Variants in SHROOM2 observed in about 807,000 individuals in gnomAD.
SHROOM2 encodes protein Shroom2.
In SHROOM2, 33 loss-of-function variants were observed where a neutral mutation model predicts 75.9. The ratio of observed to expected loss-of-function variants is 0.43; its 90% confidence interval spans 0.33 to 0.58. The LOEUF (loss-of-function observed/expected upper bound fraction) is 0.58, where lower values mean the gene tolerates loss of function less well. SHROOM2 is among the 20% of genes least tolerant of loss of function. The probability of loss-of-function intolerance (pLI) is 0.04; values close to 1 mark genes in which losing one functional copy is unlikely to be tolerated. For synonymous variants in SHROOM2, 655 were observed against 663.6 expected (o/e 0.99, Z 0.20); for missense variants, 1,434 against 1,461.2 (o/e 0.98, Z 0.30).
intron 5 of SHROOM2, among the ~76,000 whole-genome samples, chrX:9,902,637 T>A (rs2084371068): frequency 8.9e-6 from 1 of 112,456 alleles, no homozygotes; most frequent in Non-Finnish European, 1.9e-5. Flanking sequence ...AAAATAAATT[T>A]GGTAGCACAG....
chrX:9,821,888 C>T (rs966723230), intron 1 of SHROOM2, among the ~76,000 whole-genome samples: 2 of 111,578 alleles, frequency 1.8e-5, no homozygotes, highest in Admixed American at 9.5e-5. Context: ...TACTAAAAAC[C>T]CTTTGATTCT....
chrX:9,843,976 A>G (rs1321543673), intron 1 of SHROOM2, among the ~76,000 whole-genome samples: 5 of 112,766 alleles, frequency 4.4e-5, no homozygotes, highest in Admixed American at 9.4e-5. Flanking sequence ...GAATTAATGA[A>G]GATTTTTCCA....
At chrX:9,935,480 A>C (rs1246647754) in intron 6 of SHROOM2, among the ~76,000 whole-genome samples, 1 of 111,290 alleles carries the variant, frequency 9.0e-6, no homozygotes, top group African/African-American at 3.3e-5. Flanking sequence ...GTGCCTAGCC[A>C]GGGTTTTCCT....
chrX:9,937,462 G>A lies in SHROOM2; in HGVS notation c.3916G>A (p.Ala1306Thr). 1 of 1,211,461 alleles carries A rather than the reference G, an allele frequency of 8.3e-7. No homozygotes were observed. The highest frequency in any genetic ancestry group is 1.1e-6 in the Non-Finnish European group (1 of 895,394). ...TSPPGLSYMK[A>T]KEKTVEDLKS... The stretch of plus-strand genomic sequence containing the variant: ...CCCTCCAGGGCTCAGCTACATGAAG[G>A]CCAAAGAGAAGACTGTGGAAGACCT... Residue 1306 changes from alanine (A) to threonine (T), a missense_variant, in exon 7 of 10, where the codon GCC becomes ACC. Transcript: ENST00000380913.
chrX:9,882,604 G>C (rs778202831), intron 2 of SHROOM2, among the ~76,000 whole-genome samples: 1 of 111,612 alleles, frequency 9.0e-6, no homozygotes, highest in Admixed American at 9.5e-5. Context: ...GTTCTGTGCC[G>C]CTCGGTTCTG....
chrX:9,862,777 G>A (rs1319457638), intron 1 of SHROOM2, among the ~76,000 whole-genome samples: 2 of 112,795 alleles, frequency 1.8e-5, no homozygotes, highest in Non-Finnish European at 3.8e-5. Context: ...GGATCACCAT[G>A]TGGGCAGTGA....
chrX:9,875,319 C>G (rs1452561839), intron 2 of SHROOM2, among the ~76,000 whole-genome samples: 1 of 109,517 alleles, frequency 9.1e-6, no homozygotes, highest in Admixed American at 9.9e-5. Context: ...CGTCTTAACC[C>G]TCCTATAGCA....
chrX:9,923,330 G>T (rs1030516893), intron 5 of SHROOM2, among the ~76,000 whole-genome samples: 5 of 111,006 alleles, frequency 4.5e-5, no homozygotes, highest in African/African-American at 1.6e-4. Flanking sequence ...GGGGGGCGGG[G>T]GGTGCACTCA....
At chrX:9,851,384 C>T (rs1220574922) in intron 1 of SHROOM2, among the ~76,000 whole-genome samples, 1 of 110,083 alleles carries the variant, frequency 9.1e-6, no homozygotes, top group African/African-American at 3.3e-5. Flanking sequence ...ACCCAGGTTC[C>T]CCACGTGGCA....
At chrX:9,893,036 G>T (rs1439533120) in intron 3 of SHROOM2, among the ~76,000 whole-genome samples, 1 of 112,312 alleles carries the variant, frequency 8.9e-6, no homozygotes, top group Non-Finnish European at 1.9e-5. Context: ...TTTGGTGTGA[G>T]TGTCAATAAC....
chrX:9,877,612 C>G (rs2084208039), intron 2 of SHROOM2, among the ~76,000 whole-genome samples: 1 of 111,855 alleles, frequency 8.9e-6, no homozygotes, highest in African/African-American at 3.3e-5. Flanking sequence ...CCTGGAGAGT[C>G]CTGGGCAGGT....
At chrX:9,825,542 A>G (rs772668256) in intron 1 of SHROOM2, among the ~76,000 whole-genome samples, 1 of 112,566 alleles carries the variant, frequency 8.9e-6, no homozygotes, top group East Asian at 2.8e-4. Flanking sequence ...TCGCATGTTT[A>G]CATCCACACT....
At chrX:9,894,311 C>T (rs2084310620) in intron 3 of SHROOM2, 47 bp from the exon 4 acceptor site, 1 of 1,146,030 alleles carries the variant, frequency 8.7e-7, no homozygotes. Context: ...TTTGCCATTG[C>T]TGTTGCTAAA....
intron 1 of SHROOM2, among the ~76,000 whole-genome samples, chrX:9,792,947 T>A (rs1221373199): frequency 9.0e-6 from 1 of 111,539 alleles, no homozygotes; most frequent in Non-Finnish European, 1.9e-5. Context: ...TGACCTCAAG[T>A]GAACCACCCG....
chrX:9,807,855 C>G (rs1322500602), intron 1 of SHROOM2, among the ~76,000 whole-genome samples: 3 of 111,813 alleles, frequency 2.7e-5, no homozygotes, highest in Non-Finnish European at 5.6e-5. Flanking sequence ...CTGCTGCTAA[C>G]TTGACTGCTT....
rs1426705181 is a variant in SHROOM2 at position 9,806,248 on chromosome X, G to A, written c.165+19538G>A. Among the ~76,000 whole-genome samples, 3 of 110,777 alleles carry A rather than the reference G, an allele frequency of 2.7e-5. No homozygotes were observed. The East Asian group carries it at 8.5e-4, about 31-fold the overall frequency. ...AGAAACCTGCCCGTGGTTATGGCAGGGCCAGTCTCTTCACTCGCACAGCAG... is the reference window on the plus strand; with the variant it reads ...AGAAACCTGCCCGTGGTTATGGCAGAGCCAGTCTCTTCACTCGCACAGCAG... On this transcript the variant is annotated intron_variant, in intron 1 of 9. Transcript: ENST00000380913.
intron 5 of SHROOM2, among the ~76,000 whole-genome samples, chrX:9,914,466 G>C (rs1006934471): frequency 9.1e-6 from 1 of 110,439 alleles, no homozygotes; most frequent in Non-Finnish European, 1.9e-5. Flanking sequence ...GGGTAGGGGA[G>C]CAGTGGGAAG....
intron 5 of SHROOM2, among the ~76,000 whole-genome samples, chrX:9,920,071 CT>C (rs2084530539): frequency 1.8e-5 from 2 of 111,651 alleles, no homozygotes; most frequent in African/African-American, 3.2e-5. Context: ...GACATCTCAA[CT>C]TCACTACGGT....
chrX:9,937,083 G>A, intron 6 of SHROOM2, 51 bp from the exon 7 acceptor site: 1 of 1,113,363 alleles, frequency 9.0e-7, no homozygotes, highest in Non-Finnish European at 1.2e-6. Flanking sequence ...GTCAATCAGG[G>A]TCTGTGGCTG....
Sources: gnomAD v4.1 joint callset for allele counts (sites outside exome capture counted in the v4.1 genomes callset) on GRCh38, gnomAD v4.1.1 for gene constraint, MANE v1.5 for transcripts, NCBI Gene and HGNC (gene_info 2026-07-23, HGNC 2026-07-21) for gene names.